The following TENM2 variants were observed in gnomAD, a reference collection of about 807,000 sequenced individuals.
The protein encoded by TENM2 is teneurin-2.
A neutral mutation model predicts 245.2 loss-of-function variants in TENM2; 52 were observed. The observed-to-expected ratio is 0.21, with a 90% CI of 0.17 to 0.27. The LOEUF (loss-of-function observed/expected upper bound fraction) is 0.27. Among genes scored for constraint, TENM2 ranks in the 10% least tolerant of loss-of-function variants. The pLI is 1.00. For synonymous variants in TENM2, 1,363 were observed against 1,438.9 expected, an observed-to-expected ratio of 0.95 and a Z score of 1.19; for missense variants, 3,046 against 3,666.8, an observed-to-expected ratio of 0.83 and a Z score of 4.37.
intron 2 of TENM2, among the ~76,000 whole-genome samples, chr5:167,731,211 T>A (rs2150557321): frequency 6.6e-6 from 1 of 151,826 alleles, no homozygotes; most frequent in Non-Finnish European, 1.5e-5. Context: ...TTTTTTTTTT[T>A]TTTTTAGTTC....
At chr5:168,025,107 T>C (rs1786483641) in intron 5 of TENM2, among the ~76,000 whole-genome samples, 2 of 152,214 alleles carry the variant, frequency 1.3e-5, no homozygotes, top group South Asian at 4.1e-4. Flanking sequence ...TTATTAATCC[T>C]ACATTCAAAG....
intron 2 of TENM2, among the ~76,000 whole-genome samples, chr5:167,641,517 C>T (rs905493358): frequency 2.0e-5 from 3 of 152,102 alleles, no homozygotes; most frequent in African/African-American, 4.8e-5. Flanking sequence ...TGTTTTCTCC[C>T]AGAATTCTTG....
At chr5:167,228,189 A>G in the TENM2 span, among the ~76,000 whole-genome samples, 2 of 151,670 alleles carry the variant, frequency 1.3e-5, no homozygotes, top group African/African-American at 2.4e-5. Context: ...ATCACCACGC[A>G]TAGCTAATTT....
the TENM2 span, among the ~76,000 whole-genome samples, chr5:167,064,725 T>C: frequency 6.6e-6 from 1 of 152,236 alleles, no homozygotes; most frequent in African/African-American, 2.4e-5. Context: ...ATCCTTACAG[T>C]TATTGAAAAT....
intron 2 of TENM2, among the ~76,000 whole-genome samples, chr5:167,718,640 A>G (rs1759422339): frequency 6.6e-6 from 1 of 152,224 alleles, no homozygotes; most frequent in Non-Finnish European, 1.5e-5. Flanking sequence ...TCCATTGTAT[A>G]GTGGAAAGAA....
At chr5:167,846,872 G>A (rs771049070) in intron 2 of TENM2, among the ~76,000 whole-genome samples, 51 of 152,138 alleles carry the variant, frequency 3.4e-4, no homozygotes, top group South Asian at 1.0e-3. Flanking sequence ...TCCAAAGATC[G>A]TTGTGCGTTA....
intron 9 of TENM2, among the ~76,000 whole-genome samples, chr5:168,112,507 G>A (rs1407714111): frequency 1.3e-5 from 2 of 150,118 alleles, no homozygotes; most frequent in South Asian, 4.2e-4. Flanking sequence ...TAAGGATAAT[G>A]GCCTCCAGCT....
At chr5:167,318,408 A>C (rs1581732115) in intron 1 of TENM2, among the ~76,000 whole-genome samples, 1 of 152,138 alleles carries the variant, frequency 6.6e-6, no homozygotes, top group East Asian at 1.9e-4. Flanking sequence ...TATGGAATTT[A>C]AGAATAGATG....
At chr5:167,347,227 A>G (rs183454127) in intron 1 of TENM2, among the ~76,000 whole-genome samples, 6 of 152,226 alleles carry the variant, frequency 3.9e-5, no homozygotes, top group African/African-American at 1.4e-4. Context: ...AGAACAGATA[A>G]TATCTTGATC....
the TENM2 span, among the ~76,000 whole-genome samples, chr5:167,162,938 T>C: frequency 6.6e-6 from 1 of 152,194 alleles, no homozygotes; most frequent in Non-Finnish European, 1.5e-5. Flanking sequence ...TGCCTCTCAA[T>C]TGAATGGGTA....
At chr5:168,015,649 A>G (rs1164899620) in intron 5 of TENM2, among the ~76,000 whole-genome samples, 2 of 152,022 alleles carry the variant, frequency 1.3e-5, no homozygotes, top group Admixed American at 1.3e-4. Context: ...TGAGTTTGGG[A>G]TTTGTCCACT....
At chr5:167,410,191 G>A (rs768586748) in intron 2 of TENM2, among the ~76,000 whole-genome samples, 2 of 151,942 alleles carry the variant, frequency 1.3e-5, no homozygotes, top group Non-Finnish European at 2.9e-5. Context: ...TGGTTAATCA[G>A]TATGTTAAAA....
chr5:168,156,251 A>AAAAAAAAAC (rs1188162380), intron 12 of TENM2, among the ~76,000 whole-genome samples: 1 of 149,180 alleles, frequency 6.7e-6, no homozygotes, highest in African/African-American at 2.5e-5. Context: ...CATAGTTAAA[A>AAAAAAAAAC]AAAAAAAAAA....
intron 2 of TENM2, among the ~76,000 whole-genome samples, chr5:167,738,689 G>T (rs533253621): frequency 6.6e-6 from 1 of 152,262 alleles, no homozygotes; most frequent in Admixed American, 6.5e-5. Context: ...CCAAGATCGA[G>T]GTGTCAGCAG....
intron 2 of TENM2, among the ~76,000 whole-genome samples, chr5:167,858,645 C>T (rs1771313080): frequency 6.6e-6 from 1 of 151,584 alleles, no homozygotes; most frequent in Non-Finnish European, 1.5e-5. Flanking sequence ...CGGCCCGGGG[C>T]AGTGCGGAGC....
At chr5:167,561,121 C>G (rs1485746411) in intron 2 of TENM2, among the ~76,000 whole-genome samples, 1 of 152,162 alleles carries the variant, frequency 6.6e-6, no homozygotes, top group East Asian at 1.9e-4. Context: ...TTCATCCTCT[C>G]AAATATTAAT....
intron 23 of TENM2, 67 bp downstream of exon 25, chr5:168,219,066 C>T (rs781777739): frequency 1.1e-5 from 17 of 1,485,326 alleles, no homozygotes; most frequent in Admixed American, 1.1e-4. Context: ...AGGACTGGGT[C>T]GCTTGTGTAG....
intron 23 of TENM2, among the ~76,000 whole-genome samples, chr5:168,224,047 T>C (rs151297024): frequency 2.0e-4 from 30 of 152,338 alleles, no homozygotes; most frequent in Middle Eastern, 3.4e-3. Context: ...CATAGGTTTC[T>C]ACTTTATGGA....
At chr5:167,285,311 T>A (rs1771270881) in intron 1 of TENM2, among the ~76,000 whole-genome samples, 1 of 152,168 alleles carries the variant, frequency 6.6e-6, no homozygotes, top group Non-Finnish European at 1.5e-5. Flanking sequence ...TTTCTATTCC[T>A]TTTCCCATTG....
Sources: allele counts gnomAD v4.1 joint callset (sites outside exome capture counted in the v4.1 genomes callset), GRCh38; gene constraint gnomAD v4.1.1; transcripts MANE v1.5; gene names NCBI Gene and HGNC (gene_info 2026-07-23, HGNC 2026-07-21).